The following KLHL32 variants were observed in gnomAD, a reference collection of about 807,000 sequenced individuals.
KLHL32 encodes the protein kelch-like protein 32.
A neutral mutation model predicts 64.8 loss-of-function variants in KLHL32; 35 were observed. The ratio of observed to expected loss-of-function variants is 0.54; its 90% CI spans 0.41 to 0.72. The LOEUF is 0.72. Ranked by LOEUF, KLHL32 falls within the 30% of genes least tolerant of loss-of-function variation. The probability of loss-of-function intolerance (pLI) is 0.00; values close to 1 mark genes in which losing one functional copy is unlikely to be tolerated. For missense variants in KLHL32, 589 were observed against 768.5 expected (o/e 0.77, Z 2.76); for synonymous variants, 259 against 281.0 (o/e 0.92, Z 0.78).
At chr6:96,913,815 C>A in the KLHL32 span, among the ~76,000 whole-genome samples, 1 of 152,132 alleles carries the variant, frequency 6.6e-6, no homozygotes, top group East Asian at 1.9e-4. Flanking sequence ...CTGGCACTGT[C>A]CCCTCCGTCA....
intron 3 of KLHL32, among the ~76,000 whole-genome samples, chr6:97,003,839 G>A (rs572484167): frequency 9.9e-5 from 15 of 152,144 alleles, no homozygotes; most frequent in South Asian, 8.3e-4. Context: ...ATTCTGTTCC[G>A]TTGGTCTATG....
chr6:97,111,799 C>T (rs1039853900), intron 6 of KLHL32, among the ~76,000 whole-genome samples: 1 of 152,016 alleles, frequency 6.6e-6, no homozygotes, highest in Non-Finnish European at 1.5e-5. Flanking sequence ...GAAAGTGACT[C>T]TTAGTAGAAA....
intron 6 of KLHL32, among the ~76,000 whole-genome samples, chr6:97,107,068 G>A (rs938219367): frequency 8.5e-5 from 13 of 152,126 alleles, no homozygotes; most frequent in African/African-American, 1.9e-4. Context: ...GAAGGCGGGC[G>A]GATCACGAGG....
At chr6:97,138,031 A>G (rs536515999) in intron 10 of KLHL32, among the ~76,000 whole-genome samples, 1 of 152,306 alleles carries the variant, frequency 6.6e-6, no homozygotes, top group South Asian at 2.1e-4. Context: ...TCATTTTTTT[A>G]AAACACCAAA....
chr6:96,979,516 T>G (rs2128047555), intron 3 of KLHL32, among the ~76,000 whole-genome samples: 1 of 152,336 alleles, frequency 6.6e-6, no homozygotes, highest in East Asian at 1.9e-4. Context: ...TTTATACTGG[T>G]ATCATGCTGT....
intron 3 of KLHL32, among the ~76,000 whole-genome samples, chr6:97,032,554 A>T (rs1001786147): frequency 6.6e-6 from 1 of 152,148 alleles, no homozygotes; most frequent in Non-Finnish European, 1.5e-5. Flanking sequence ...CTTTGTTCTC[A>T]GGAAGTTTTT....
At chr6:96,932,106 G>A (rs1167151664) in intron 1 of KLHL32, among the ~76,000 whole-genome samples, 1 of 151,840 alleles carries the variant, frequency 6.6e-6, no homozygotes, top group Non-Finnish European at 1.5e-5. Context: ...TTTTGTGATA[G>A]GCAGTGGTGT....
chr6:97,118,619 C>A (rs866802183), intron 7 of KLHL32, among the ~76,000 whole-genome samples: 105 of 101,226 alleles, frequency 1.0e-3, no homozygotes, highest in South Asian at 2.4e-3. Flanking sequence ...AACTGCATCT[C>A]AAAAAAAAAA....
intron 3 of KLHL32, among the ~76,000 whole-genome samples, chr6:97,015,117 T>C (rs1177902829): frequency 6.6e-6 from 1 of 152,206 alleles, no homozygotes; most frequent in Non-Finnish European, 1.5e-5. Flanking sequence ...TCTGCCATGA[T>C]TGTAAGTTTC....
intron 3 of KLHL32, among the ~76,000 whole-genome samples, chr6:96,990,358 G>A (rs563797753): frequency 3.3e-5 from 5 of 152,070 alleles, no homozygotes; most frequent in Non-Finnish European, 5.9e-5. Context: ...GGTTATGTTA[G>A]CAAGTATTTT....
chr6:96,973,087 G>C (rs189484943), intron 2 of KLHL32, among the ~76,000 whole-genome samples: 1 of 152,240 alleles, frequency 6.6e-6, no homozygotes, highest in Non-Finnish European at 1.5e-5. Context: ...CTAACATATT[G>C]GTTCCAAAAT....
chr6:96,927,339 TAA>T (rs1769287345), intron 1 of KLHL32, among the ~76,000 whole-genome samples: 1 of 152,208 alleles, frequency 6.6e-6, no homozygotes, highest in African/African-American at 2.4e-5. Context: ...AAGTGTTAGA[TAA>T]TTAGGTAAAA....
At chr6:96,917,991 G>C in the KLHL32 span, among the ~76,000 whole-genome samples, 1 of 152,168 alleles carries the variant, frequency 6.6e-6, no homozygotes, top group Non-Finnish European at 1.5e-5. Context: ...TGACCCTCTA[G>C]ATACCAATAG....
Position 97,139,349 on chromosome 6 carries a change from C to A in KLHL32, c.*67C>A. The A allele has an allele frequency of 7.5e-7, 1 of 1,330,344 alleles. No individual in the cohort carries two copies. The highest frequency in any genetic ancestry group is 1.0e-6 in the Non-Finnish European group (1 of 953,714). The allele number at this position is 1,330,344 out of a possible 1,614,324, so 82.4% of individuals were successfully genotyped here. A position where few individuals can be genotyped will look rare whatever the true frequency, so the allele number is the denominator to read the frequency against. On this transcript the variant is annotated 3_prime_UTR_variant, in exon 11 of 11. Transcript: ENST00000369261. ...CTGTTGGATACTGGGCATGAAAAGA[C>A]TCAGTGCTCCATGCTTCCTTGTCTT...
At chr6:97,065,276 C>T (rs895348361) in intron 5 of KLHL32, among the ~76,000 whole-genome samples, 2 of 152,120 alleles carry the variant, frequency 1.3e-5, no homozygotes, top group African/African-American at 4.8e-5. Flanking sequence ...GAGAAAACCC[C>T]CGAACACCAA....
rs79878366 is a variant in KLHL32 at position 97,093,520 on chromosome 6, A to G, written c.627+8179A>G. ...AAAACAGAAACTCAAAGTACCTTAT[A>G]TATCTCATAAGTCAAACGTTTTTAT... On this transcript the variant is annotated intron_variant, in intron 6 of 10. Coordinates refer to ENST00000369261, the MANE Select transcript of KLHL32 (RefSeq NM_052904.4). Among the ~76,000 whole-genome samples the G allele has an allele frequency of 1.8e-4, 28 of 152,368 alleles. 1 individual carries two copies. The East Asian group carries it at 5.4e-3, about 29-fold the overall frequency.
chr6:96,925,583 C>T (rs1769042644), intron 1 of KLHL32, among the ~76,000 whole-genome samples: 1 of 152,158 alleles, frequency 6.6e-6, no homozygotes, highest in Non-Finnish European at 1.5e-5. Context: ...CCTTCTTCCC[C>T]TCTATTTCCA....
At chr6:96,975,055 A>G (rs1294076954) in intron 2 of KLHL32, among the ~76,000 whole-genome samples, 1 of 152,030 alleles carries the variant, frequency 6.6e-6, no homozygotes, top group Non-Finnish European at 1.5e-5. Flanking sequence ...TCCCGTTGAT[A>G]TAAGCTGGAA....
At chr6:96,980,930 C>T (rs1776229637) in intron 3 of KLHL32, among the ~76,000 whole-genome samples, 1 of 147,618 alleles carries the variant, frequency 6.8e-6, no homozygotes, top group Non-Finnish European at 1.5e-5. Flanking sequence ...AATAAACTTA[C>T]AATCATGGCA....
Sources: allele counts gnomAD v4.1 joint callset (sites outside exome capture counted in the v4.1 genomes callset), GRCh38; gene constraint gnomAD v4.1.1; transcripts MANE v1.5; gene names NCBI Gene and HGNC (gene_info 2026-07-23, HGNC 2026-07-21).